EFHC2: variants seen among roughly 807,000 people sequenced by gnomAD.
EFHC2 encodes EF-hand domain containing 2.
A neutral mutation model predicts 52.7 loss-of-function variants in EFHC2; 18 were observed. The observed-to-expected ratio is 0.34, with a 90% CI of 0.24 to 0.51. The LOEUF (loss-of-function observed/expected upper bound fraction) is 0.51. Among genes scored for constraint, EFHC2 ranks in the 20% least tolerant of loss-of-function variants. The pLI is 0.97. For synonymous variants in EFHC2, 203 were observed against 204.1 expected (o/e 0.99, Z 0.04); for missense variants, 513 against 562.5 (o/e 0.91, Z 0.89).
chrX:44,250,313 T>C lies in EFHC2; in HGVS notation c.739A>G (p.Arg247Gly). The stretch of plus-strand genomic sequence containing the variant: ...AAGAAGTAATGCAGGATGAGTTCTC[T>C]ACGGTCTCCAAACATTGAGACTGAG... ...DDSVSMFGDR[R>G]ELILHYFLCD... is the part of the protein sequence containing the mutation. Residue 247 changes from arginine (R) to glycine (G), a missense_variant, in exon 5 of 15, where the codon AGA (arginine) becomes GGA (glycine). Physicochemically the swap from Arg to Gly is moderately radical, Grantham distance 125. Coordinates refer to ENST00000420999, the MANE Select transcript of EFHC2 (RefSeq NM_025184.4). The C allele has an allele frequency of 8.3e-7, 1 of 1,211,335 alleles. No individual in the cohort carries two copies. The highest frequency in any genetic ancestry group is 1.1e-6 in the Non-Finnish European group (1 of 895,304).
At chrX:44,314,461 C>A (rs1451436727) in intron 1 of EFHC2, among the ~76,000 whole-genome samples, 1 of 112,214 alleles carries the variant, frequency 8.9e-6, no homozygotes, top group African/African-American at 3.2e-5. Flanking sequence ...AGGGCCATAA[C>A]AGCTGCCCTG....
At chrX:44,310,982 T>C (rs2037944311) in intron 2 of EFHC2, among the ~76,000 whole-genome samples, 1 of 112,332 alleles carries the variant, frequency 8.9e-6, no homozygotes, top group Non-Finnish European at 1.9e-5. Context: ...CTACGATACT[T>C]ATTCAGTAGT....
chrX:44,309,823 G>T, intron 2 of EFHC2: 1 of 1,137,654 alleles, frequency 8.8e-7, no homozygotes, highest in South Asian at 1.8e-5. Flanking sequence ...ACCATAGGTA[G>T]CCTCTTTGTC....
At position 44,291,581 on chromosome X, in the gene EFHC2, A is replaced by G. The variant is rs1022606284; in HGVS notation, c.232-18745T>C. 3.6e-5 allele frequency among the ~76,000 whole-genome samples: 4 copies of G among 112,209 alleles called. No homozygotes were observed. The Middle Eastern group carries it at 0.014, about 390-fold the overall frequency. On this transcript the variant is annotated intron_variant, in intron 2 of 14. Coordinates refer to ENST00000420999, the MANE Select transcript of EFHC2 (RefSeq NM_025184.4). ...ATGATTTTATGATGCATGAAAATGGAAAGGGAAGTGGCTAGAATGCTAGAA... is the reference window on the plus strand; with the variant it reads ...ATGATTTTATGATGCATGAAAATGGGAAGGGAAGTGGCTAGAATGCTAGAA...
intron 11 of EFHC2, among the ~76,000 whole-genome samples, chrX:44,217,457 A>G (rs1421832857): frequency 1.8e-5 from 2 of 112,045 alleles, no homozygotes; most frequent in Non-Finnish European, 3.8e-5. Context: ...AATAGCCAAG[A>G]TTTGGAAGCA....
chrX:44,207,524 A>G (rs2037057891), intron 11 of EFHC2, among the ~76,000 whole-genome samples: 1 of 112,111 alleles, frequency 8.9e-6, no homozygotes, highest in Admixed American at 9.4e-5. Context: ...AAAAAAAAAA[A>G]AGAAAGGCTT....
chrX:44,308,602 C>A (rs765587090), intron 2 of EFHC2, among the ~76,000 whole-genome samples: 2 of 111,224 alleles, frequency 1.8e-5, no homozygotes, highest in South Asian at 7.7e-4. Context: ...TCCCACAACA[C>A]TCTACTCAGA....
chrX:44,243,426 C>T (rs2037375213), intron 7 of EFHC2, among the ~76,000 whole-genome samples: 1 of 111,984 alleles, frequency 8.9e-6, no homozygotes. Flanking sequence ...TAGTGCACAC[C>T]TCCGGAAGAG....
intron 14 of EFHC2, among the ~76,000 whole-genome samples, chrX:44,162,477 A>G (rs1315441675): frequency 9.0e-6 from 1 of 111,193 alleles, no homozygotes; most frequent in Non-Finnish European, 1.9e-5. Flanking sequence ...ACTCTTGATC[A>G]TGTTGCTGTC....
intron 14 of EFHC2, among the ~76,000 whole-genome samples, chrX:44,151,447 C>A (rs2036569733): frequency 1.8e-5 from 2 of 111,533 alleles, no homozygotes; most frequent in East Asian, 5.6e-4. Context: ...TTTCTGGAGG[C>A]TCTAAGGAAG....
chrX:44,238,769 T>C (rs1196164954), intron 8 of EFHC2, among the ~76,000 whole-genome samples: 1 of 112,123 alleles, frequency 8.9e-6, no homozygotes, highest in Non-Finnish European at 1.9e-5. Flanking sequence ...CTCAGCCCCA[T>C]ACTCCCAATC....
At chrX:44,315,385 C>T (rs1257088341) in intron 1 of EFHC2, among the ~76,000 whole-genome samples, 1 of 111,006 alleles carries the variant, frequency 9.0e-6, no homozygotes, top group Non-Finnish European at 1.9e-5. Flanking sequence ...AACTAGAAAA[C>T]AGTACAGCTA....
At chrX:44,178,278 T>C (rs2036805701) in intron 12 of EFHC2, 89 bp downstream of exon 12, 49 of 901,358 alleles carry the variant, frequency 5.4e-5, no homozygotes, top group Non-Finnish European at 6.8e-5. Flanking sequence ...GTCTATTTTC[T>C]TTTTGCACTT....
At chrX:44,242,026 G>A in intron 8 of EFHC2, 95 bp downstream of exon 8, 1 of 870,597 alleles carries the variant, frequency 1.1e-6, no homozygotes, top group South Asian at 3.4e-5. Flanking sequence ...GCAATTAGAT[G>A]AGCTGCGTGA....
chrX:44,330,983 T>C (rs967231761), intron 1 of EFHC2, among the ~76,000 whole-genome samples: 2 of 112,269 alleles, frequency 1.8e-5, no homozygotes, highest in African/African-American at 6.5e-5. Flanking sequence ...TGTCTTTTTA[T>C]AAAATTAAAC....
intron 11 of EFHC2, among the ~76,000 whole-genome samples, chrX:44,199,000 G>T (rs973668765): frequency 2.7e-5 from 3 of 112,194 alleles, no homozygotes; most frequent in African/African-American, 9.7e-5. Context: ...TAAGAATTTG[G>T]AGTATAAATT....
intron 3 of EFHC2, among the ~76,000 whole-genome samples, chrX:44,268,299 C>T (rs1254491675): frequency 9.0e-6 from 1 of 110,976 alleles, no homozygotes; most frequent in Non-Finnish European, 1.9e-5. Context: ...TGGAATCTGC[C>T]TATGTGAGAT....
At chrX:44,315,303 T>C (rs1171547605) in intron 1 of EFHC2, among the ~76,000 whole-genome samples, 1 of 107,666 alleles carries the variant, frequency 9.3e-6, no homozygotes, top group Non-Finnish European at 1.9e-5. Flanking sequence ...AATTAAGCCT[T>C]TTTTTTTTAA....
chrX:44,193,907 G>T (rs1394384658), intron 11 of EFHC2, among the ~76,000 whole-genome samples: 7 of 111,623 alleles, frequency 6.3e-5, no homozygotes, highest in African/African-American at 1.6e-4. Flanking sequence ...GAGGATGAGG[G>T]GCAGAGTAAA....
Sources: gnomAD v4.1 joint callset for allele counts (sites outside exome capture counted in the v4.1 genomes callset) on GRCh38, gnomAD v4.1.1 for gene constraint, MANE v1.5 for transcripts, NCBI Gene and HGNC (gene_info 2026-07-23, HGNC 2026-07-21) for gene names.